The following CHRNB3 variants were observed in gnomAD, a reference collection of about 807,000 sequenced individuals.
The protein encoded by CHRNB3 is cholinergic receptor nicotinic beta 3 subunit.
A neutral mutation model predicts 40.6 loss-of-function variants in CHRNB3; 37 were observed. The ratio of observed to expected loss-of-function variants is 0.91; its 90% CI spans 0.70 to 1.20. The LOEUF (loss-of-function observed/expected upper bound fraction) is 1.20. CHRNB3 is among the 50% of genes most tolerant of loss of function. The probability of loss-of-function intolerance (pLI) is 0.00; values close to 1 mark genes in which losing one functional copy is unlikely to be tolerated. For missense variants in CHRNB3, 505 were observed against 551.2 expected (o/e 0.92, Z 0.84); for synonymous variants, 207 against 207.1 (o/e 1.00, Z 0.00).
intron 2 of CHRNB3, 67 bp from the exon 3 acceptor site, chr8:42,710,320 AAAC>A: frequency 2.4e-6 from 3 of 1,267,252 alleles, no homozygotes; most frequent in Non-Finnish European, 2.2e-6. Flanking sequence ...CCCATTTCTA[AAAC>A]AACAACAAAA....
In CHRNB3 at chr8:42,730,620, G is replaced by C; in HGVS notation, c.276G>C (p.Trp92Cys). Residue 92 changes from tryptophan to cysteine, a missense_variant, in exon 4 of 6, where the codon TGG becomes TGC. Transcript: ENST00000289957. The part of the protein sequence containing the change: ...KQEWTDHKLR[W>C]NPDDYGGIHS... The stretch of plus-strand genomic sequence containing the variant: ...AATGGACAGACCACAAGTTACGCTG[G>C]AATCCTGATGATTATGGTGGGATCC... 1.2e-6 allele frequency: 2 copies of C among 1,605,588 alleles called. No homozygotes were observed. Among genetic ancestry groups the C allele is most frequent in the South Asian group, 2.2e-5 (2 of 89,792 alleles).
rs942554641 is a variant in CHRNB3, at chr8:42,729,334, T to C, written c.250-1260T>C. ...CTGAGGCAGGAGAATGGCGTGAACC[T>C]GGGAGGCAGAGCTTGCAGTGAGCCG... is the stretch of plus-strand genomic sequence containing the variant. On this transcript the variant is annotated intron_variant, in intron 3 of 5. Transcript: ENST00000289957. Among the ~76,000 whole-genome samples, 4 of 151,932 alleles carry C rather than the reference T, an allele frequency of 2.6e-5. 1 individual carries two copies. The highest frequency in any genetic ancestry group is 2.9e-5 in the Non-Finnish European group (2 of 67,972).
intron 1 of CHRNB3, among the ~76,000 whole-genome samples, chr8:42,702,953 C>T (rs1481191253): frequency 1.3e-5 from 2 of 152,174 alleles, no homozygotes; most frequent in Non-Finnish European, 2.9e-5. Context: ...CGCAGGCCAC[C>T]ATCAGCTGGA....
chr8:42,717,927 G>A (rs1404844079), intron 3 of CHRNB3, among the ~76,000 whole-genome samples: 1 of 150,564 alleles, frequency 6.6e-6, no homozygotes, highest in Non-Finnish European at 1.5e-5. Context: ...CCGCCTCCCG[G>A]ATTCAAGTGA....
chr8:42,719,609 G>A (rs926623396), intron 3 of CHRNB3, among the ~76,000 whole-genome samples: 3 of 152,044 alleles, frequency 2.0e-5, no homozygotes, highest in Admixed American at 6.6e-5. Flanking sequence ...ATCACACCAC[G>A]GCACTCCAGC....
intron 1 of CHRNB3, among the ~76,000 whole-genome samples, chr8:42,698,861 A>G (rs930105079): frequency 6.6e-6 from 1 of 152,212 alleles, no homozygotes; most frequent in African/African-American, 2.4e-5. Context: ...GAGGGTGTTT[A>G]GCATAAACTC....
chr8:42,702,218 T>C (rs1815819326), intron 1 of CHRNB3, among the ~76,000 whole-genome samples: 2 of 152,184 alleles, frequency 1.3e-5, no homozygotes, highest in African/African-American at 4.8e-5. Context: ...ACATTCGCTC[T>C]CTGCCTCTCC....
rs201153379 is a variant in CHRNB3 at position 42,715,769 on chromosome 8, A to AT, written c.249+5339dup. Among the ~76,000 whole-genome samples the AT allele has an allele frequency of 7.2e-3, 1,091 of 152,074 alleles. 16 individuals carry two copies. The highest frequency in any genetic ancestry group is 0.025 in the African/African-American group (1,053 of 41,424). On this transcript the variant is annotated intron_variant, in intron 3 of 5. Transcript: ENST00000289957. ...ACATGGTGCTATTTTTATTTTATTG[A>AT]TTTTATTTTGCAAACTAGTTTGTCT... is the stretch of plus-strand genomic sequence containing the variant.
Position 42,703,435 on chromosome 8 carries a change from A to AAAAAAAAAAATATATATAT in CHRNB3, c.53-5281_53-5280insAAAAAAAAATATATATATA. ...CAAGACTTCGTCTAAAAAAAAAAAAAATATTTATATATATATATATATATA... is the reference window on the plus strand; with the variant it reads ...CAAGACTTCGTCTAAAAAAAAAAAAAAAAAAAAAAATATATATATATATTTATATATATATATATATATA... On this transcript the variant is annotated intron_variant, in intron 1 of 5. Coordinates refer to ENST00000289957, the MANE Select transcript of CHRNB3 (RefSeq NM_000749.5). 1.4e-3 allele frequency among the ~76,000 whole-genome samples: 67 copies of AAAAAAAAAAATATATATAT among 47,402 alleles called. 7 individuals carry two copies. Among genetic ancestry groups the AAAAAAAAAAATATATATAT allele is most frequent in the South Asian group, 4.4e-3 (5 of 1,136 alleles). The allele number at this position is 47,402 out of a possible 152,430, so 31.1% of individuals were successfully genotyped here. A position where few individuals can be genotyped will look rare whatever the true frequency, so the allele number is the denominator to read the frequency against.
At chr8:42,713,815 G>T (rs1586397977) in intron 3 of CHRNB3, among the ~76,000 whole-genome samples, 1 of 152,238 alleles carries the variant, frequency 6.6e-6, no homozygotes, top group East Asian at 1.9e-4. Context: ...CATTACCCCT[G>T]TTTTATAGAG....
intron 5 of CHRNB3, among the ~76,000 whole-genome samples, chr8:42,735,215 G>A (rs895362668): frequency 4.0e-5 from 6 of 149,414 alleles, no homozygotes; most frequent in Non-Finnish European, 7.4e-5. Context: ...GCAAGACTCC[G>A]TCTCAAAAAA....
intron 3 of CHRNB3, among the ~76,000 whole-genome samples, chr8:42,722,430 G>A (rs547113469): frequency 3.9e-5 from 6 of 152,152 alleles, no homozygotes; most frequent in African/African-American, 1.4e-4. Flanking sequence ...TGGCCTTGCC[G>A]AAGCAGAGGA....
intron 3 of CHRNB3, among the ~76,000 whole-genome samples, chr8:42,723,806 C>A (rs1230044661): frequency 6.6e-6 from 1 of 152,174 alleles, no homozygotes; most frequent in African/African-American, 2.4e-5. Context: ...ATATTTTAGT[C>A]CGGTTGTGGT....
chr8:42,708,070 G>A (rs962545086), intron 1 of CHRNB3, among the ~76,000 whole-genome samples: 3 of 152,202 alleles, frequency 2.0e-5, no homozygotes, highest in African/African-American at 4.8e-5. Context: ...GTTGCAGATG[G>A]GACCAGAGGT....
At chr8:42,726,177 TC>T in intron 3 of CHRNB3, 2 of 1,268,544 alleles carry the variant, frequency 1.6e-6, no homozygotes, top group Non-Finnish European at 1.1e-6. Flanking sequence ...GTCCTCATTT[TC>T]AGGAGATTTT....
In CHRNB3 at chr8:42,732,246, T is replaced by TA; in HGVS notation, c.940dup (p.Thr314AsnfsTer6). ...TTTTTGTGACCCTGTCCATCATTGT[T>TA]ACCGTGTTTGTCATTAACGTTCACC... On this transcript the variant is annotated frameshift_variant, in exon 5 of 6. Coordinates refer to ENST00000289957, the MANE Select transcript of CHRNB3 (RefSeq NM_000749.5). LOFTEE classifies it high-confidence loss of function. The TA allele has an allele frequency of 6.2e-7, 1 of 1,612,240 alleles. No individual in the cohort carries two copies. Among genetic ancestry groups the TA allele is most frequent in the Non-Finnish European group, 8.5e-7 (1 of 1,179,464 alleles).
chr8:42,715,671 C>A (rs1046115538), intron 3 of CHRNB3, among the ~76,000 whole-genome samples: 1 of 152,090 alleles, frequency 6.6e-6, no homozygotes, highest in African/African-American at 2.4e-5. Flanking sequence ...TTTAGACACT[C>A]TTCTTCTATC....
rs1425720573 is a variant in CHRNB3, at chr8:42,731,948, G to A, written c.641G>A (p.Arg214Lys). 6.2e-7 allele frequency: 1 copy of A among 1,614,190 alleles called. No homozygotes were observed. The highest frequency in any genetic ancestry group is 8.5e-7 in the Non-Finnish European group (1 of 1,180,042). The change falls in exon 5 of 6, where the codon AGG (arginine) becomes AAG (lysine). Residue 214 changes from arginine (R) to lysine (K), a missense_variant. Coordinates refer to ENST00000289957, the MANE Select transcript of CHRNB3 (RefSeq NM_000749.5). ...LNAKGMKGNR[R>K]DGVYSYPFIT... ...GCAAAGGGGATGAAGGGGAACAGAA[G>A]GGACGGCGTGTACTCCTATCCCTTT...
chr8:42,720,190 G>A (rs148443473), intron 3 of CHRNB3, among the ~76,000 whole-genome samples: 1,986 of 123,488 alleles, frequency 0.016, 45 homozygotes, highest in African/African-American at 0.055. Flanking sequence ...GCAGCGGCAC[G>A]ATCTCGGCTC....
Sources: allele counts gnomAD v4.1 joint callset (sites outside exome capture counted in the v4.1 genomes callset), GRCh38; gene constraint gnomAD v4.1.1; transcripts MANE v1.5; gene names NCBI Gene and HGNC (gene_info 2026-07-23, HGNC 2026-07-21).